LRRC4C: variants seen among roughly 807,000 people sequenced by gnomAD.
The protein encoded by LRRC4C is leucine rich repeat containing 4C, also known as leucine-rich repeat-containing protein 4C.
A neutral mutation model predicts 33.6 loss-of-function variants in LRRC4C; 5 were observed. The observed-to-expected ratio is 0.15, with a 90% CI of 0.08 to 0.31. LRRC4C has a LOEUF of 0.31. Among genes scored for constraint, LRRC4C ranks in the 10% least tolerant of loss-of-function variants. The pLI is 1.00. For synonymous variants in LRRC4C, 329 were observed against 302.0 expected (o/e 1.09, Z -0.93); for missense variants, 560 against 796.7 (o/e 0.70, Z 3.58).
chr11:40,187,907 G>T (rs1266400896), intron 5 of LRRC4C, among the ~76,000 whole-genome samples: 1 of 152,184 alleles, frequency 6.6e-6, no homozygotes, highest in Non-Finnish European at 1.5e-5. Context: ...GGGGGTCGGG[G>T]AAAGAGAAGG....
At chr11:41,231,183 A>C (rs1947775742) in intron 1 of LRRC4C, among the ~76,000 whole-genome samples, 1 of 152,126 alleles carries the variant, frequency 6.6e-6, no homozygotes, top group Admixed American at 6.5e-5. Flanking sequence ...AAACTAGTTC[A>C]ACCACTGTGG....
intron 1 of LRRC4C, among the ~76,000 whole-genome samples, chr11:41,369,798 G>T (rs2137766806): frequency 6.6e-6 from 1 of 152,266 alleles, no homozygotes; most frequent in South Asian, 2.1e-4. Context: ...CAAAGCAGGA[G>T]AATGGCATAA....
At chr11:40,642,592 A>G (rs1942188946) in intron 3 of LRRC4C, among the ~76,000 whole-genome samples, 1 of 152,194 alleles carries the variant, frequency 6.6e-6, no homozygotes. Context: ...ATCACTGTTA[A>G]TGGCCCTGTA....
At chr11:40,264,592 A>C (rs1048129461) in intron 4 of LRRC4C, among the ~76,000 whole-genome samples, 3 of 152,204 alleles carry the variant, frequency 2.0e-5, no homozygotes, top group Admixed American at 2.0e-4. Flanking sequence ...GTGCCGATGA[A>C]TATAACTAGG....
intron 1 of LRRC4C, among the ~76,000 whole-genome samples, chr11:41,273,274 G>T (rs10837609): frequency 6.6e-6 from 1 of 152,010 alleles, no homozygotes; most frequent in African/African-American, 2.4e-5. Flanking sequence ...TCCCACTTCC[G>T]GTTATGTATC....
intron 2 of LRRC4C, among the ~76,000 whole-genome samples, chr11:40,652,558 C>A (rs191857340): frequency 6.6e-6 from 1 of 152,274 alleles, no homozygotes; most frequent in Admixed American, 6.5e-5. Flanking sequence ...GAAGAGATAG[C>A]AGGATCACAC....
intron 3 of LRRC4C, among the ~76,000 whole-genome samples, chr11:40,337,062 A>G (rs190738576): frequency 3.1e-3 from 472 of 151,812 alleles, no homozygotes; most frequent in Non-Finnish European, 5.8e-3. Flanking sequence ...CTCACCAAGA[A>G]GCGCACATCC....
At chr11:41,040,798 T>G (rs185785720) in intron 1 of LRRC4C, among the ~76,000 whole-genome samples, 22 of 152,312 alleles carry the variant, frequency 1.4e-4, no homozygotes, top group African/African-American at 4.8e-4. Flanking sequence ...TCCAACTGAT[T>G]AAATATACAA....
intron 3 of LRRC4C, among the ~76,000 whole-genome samples, chr11:40,551,616 C>T (rs919991409): frequency 9.9e-5 from 15 of 152,168 alleles, no homozygotes; most frequent in African/African-American, 3.4e-4. Context: ...TCTAATCTGC[C>T]TCCACCCCAC....
chr11:41,313,564 T>C (rs1950700659), intron 1 of LRRC4C, among the ~76,000 whole-genome samples: 1 of 152,198 alleles, frequency 6.6e-6, no homozygotes, highest in South Asian at 2.1e-4. Context: ...TCTGCCACTC[T>C]TGAGACAGTG....
chr11:41,219,599 G>A (rs1947214403), intron 1 of LRRC4C, among the ~76,000 whole-genome samples: 2 of 152,092 alleles, frequency 1.3e-5, no homozygotes, highest in Admixed American at 1.3e-4. Context: ...ATTTGCTATG[G>A]CACTTTTTCT....
In LRRC4C at chr11:40,888,313, C is replaced by T. The variant is rs2136084723; in HGVS notation, c.-407+45322G>A. ...TTTTAGGTAAAGTTGTATGGGCTTTCTTATTTTTGTCTCTTAAAATCTTGT... is the reference window on the plus strand; with the variant it reads ...TTTTAGGTAAAGTTGTATGGGCTTTTTTATTTTTGTCTCTTAAAATCTTGT... On this transcript the variant is annotated intron_variant, in intron 2 of 6. Transcript: ENST00000528697. Among the ~76,000 whole-genome samples the T allele has an allele frequency of 1.3e-5, 2 of 151,868 alleles. 1 individual carries two copies. The highest frequency in any genetic ancestry group is 6.8e-3 in the Middle Eastern group (2 of 292).
chr11:40,162,482 T>C (rs1428918745), intron 5 of LRRC4C, among the ~76,000 whole-genome samples: 1 of 152,002 alleles, frequency 6.6e-6, no homozygotes, highest in East Asian at 1.9e-4. Flanking sequence ...AGAAAGCACC[T>C]CTCTTGATGA....
intron 1 of LRRC4C, among the ~76,000 whole-genome samples, chr11:41,304,915 T>G (rs1448026281): frequency 3.7e-5 from 1 of 27,122 alleles, no homozygotes; most frequent in Non-Finnish European, 7.3e-5. Flanking sequence ...GGGAGGGAGG[T>G]GGGGGGGGGT....
At chr11:40,646,676 G>A (rs973647248) in intron 3 of LRRC4C, among the ~76,000 whole-genome samples, 1 of 152,066 alleles carries the variant, frequency 6.6e-6, no homozygotes, top group Admixed American at 6.6e-5. Flanking sequence ...GCACTATCTC[G>A]GCTCACTGCA....
At chr11:40,785,132 G>A (rs1048294814) in intron 2 of LRRC4C, among the ~76,000 whole-genome samples, 1 of 152,050 alleles carries the variant, frequency 6.6e-6, no homozygotes, top group Admixed American at 6.6e-5. Flanking sequence ...AATCTATGTT[G>A]TTATGCTAAT....
At chr11:40,780,768 A>T (rs1214335261) in intron 2 of LRRC4C, among the ~76,000 whole-genome samples, 1 of 149,804 alleles carries the variant, frequency 6.7e-6, no homozygotes, top group Non-Finnish European at 1.5e-5. Context: ...AGAGCTAGCA[A>T]ATTGAAAACT....
chr11:40,376,797 T>C (rs1948677684), intron 3 of LRRC4C, among the ~76,000 whole-genome samples: 1 of 151,932 alleles, frequency 6.6e-6, no homozygotes, highest in Non-Finnish European at 1.5e-5. Flanking sequence ...ACTACCTACA[T>C]AGTGGTCCGT....
chr11:40,642,892 A>T (rs2136099583), intron 3 of LRRC4C, among the ~76,000 whole-genome samples: 1 of 152,294 alleles, frequency 6.6e-6, no homozygotes, highest in Non-Finnish European at 1.5e-5. Context: ...GAACCATCAA[A>T]ATATCTACAA....
Sources: gnomAD v4.1 joint callset for allele counts (sites outside exome capture counted in the v4.1 genomes callset) on GRCh38, gnomAD v4.1.1 for gene constraint, MANE v1.5 for transcripts, NCBI Gene and HGNC (gene_info 2026-07-23, HGNC 2026-07-21) for gene names.